PALM2AKAP2: variants seen among roughly 807,000 people sequenced by gnomAD.
PALM2AKAP2 encodes the protein PALM2 and AKAP2 fusion, also known as PALM2-AKAP2 fusion protein.
Under a neutral mutation model 71.5 loss-of-function variants are expected in PALM2AKAP2, and 37 were observed. That is an observed-to-expected ratio of 0.52 (90% confidence interval 0.40 to 0.68). PALM2AKAP2 has a LOEUF of 0.68. Ranked by LOEUF, PALM2AKAP2 falls within the 30% of genes least tolerant of loss-of-function variation. The probability of loss-of-function intolerance (pLI) is 0.00; values close to 1 mark genes in which losing one functional copy is unlikely to be tolerated. For missense variants in PALM2AKAP2, 1,224 were observed against 1,191.8 expected (o/e 1.03, Z -0.40); for synonymous variants, 468 against 478.8 (o/e 0.98, Z 0.29).
intron 3 of PALM2AKAP2, among the ~76,000 whole-genome samples, chr9:109,919,916 C>T (rs1268884195): frequency 1.3e-5 from 2 of 152,136 alleles, no homozygotes; most frequent in Non-Finnish European, 1.5e-5. Flanking sequence ...TGGGTATTTG[C>T]TGATCTAGGC....
chr9:109,895,010 C>T (rs1258447931), intron 3 of PALM2AKAP2, among the ~76,000 whole-genome samples: 1 of 152,168 alleles, frequency 6.6e-6, no homozygotes, highest in East Asian at 1.9e-4. Context: ...AGGCCTATCC[C>T]CACACCACTT....
chr9:109,783,556 C>A (rs1161216779), intron 1 of PALM2AKAP2, among the ~76,000 whole-genome samples: 1 of 152,168 alleles, frequency 6.6e-6, no homozygotes. Flanking sequence ...ACCTCTGCCT[C>A]CCAAAGCACT....
At chr9:110,153,216 T>G (rs2119199175) in intron 2 of PALM2AKAP2, among the ~76,000 whole-genome samples, 1 of 152,316 alleles carries the variant, frequency 6.6e-6, no homozygotes, top group South Asian at 2.1e-4. Flanking sequence ...TTCACCCTCT[T>G]TACAACATTC....
intron 6 of PALM2AKAP2, among the ~76,000 whole-genome samples, chr9:109,983,475 CTCTG>C (rs1204711671): frequency 2.6e-5 from 4 of 152,202 alleles, no homozygotes; most frequent in East Asian, 1.9e-4. Flanking sequence ...TTCTTTTCCT[CTCTG>C]TCTATCTGTT....
chr9:110,054,290 T>C (rs1833783222), intron 1 of PALM2AKAP2, among the ~76,000 whole-genome samples: 1 of 152,068 alleles, frequency 6.6e-6, no homozygotes, highest in Non-Finnish European at 1.5e-5. Context: ...TCTCAGCTAC[T>C]CAGGAGGCTG....
At chr9:110,160,965 C>T (rs561903544) in intron 3 of PALM2AKAP2, among the ~76,000 whole-genome samples, 40 of 152,324 alleles carry the variant, frequency 2.6e-4, no homozygotes, top group African/African-American at 9.6e-4. Context: ...TCCTGGCACA[C>T]ATTACCCTTC....
At chr9:110,038,033 A>G (rs1833443766) in intron 7 of PALM2AKAP2, among the ~76,000 whole-genome samples, 1 of 152,166 alleles carries the variant, frequency 6.6e-6, no homozygotes, top group Admixed American at 6.5e-5. Context: ...TTAAAAGAGG[A>G]CTAAGAAAGA....
intron 1 of PALM2AKAP2, among the ~76,000 whole-genome samples, chr9:109,735,017 G>A (rs1828608738): frequency 6.6e-6 from 1 of 151,742 alleles, no homozygotes; most frequent in Admixed American, 6.6e-5. Context: ...TCTCTGGTGG[G>A]CCAAGCTGTT....
Position 109,808,433 on chromosome 9 carries a change from G to T in PALM2AKAP2, c.45+27900G>T, listed in dbSNP as rs1324499596. ...GTGGAACTTTGAACTTGAGAGAGACGATTTTGGGGCATCTGGCAGAAGAAC... is the reference window on the plus strand; with the variant it reads ...GTGGAACTTTGAACTTGAGAGAGACTATTTTGGGGCATCTGGCAGAAGAAC... On this transcript the variant is annotated intron_variant, in intron 1 of 9. Coordinates refer to the PALM2AKAP2 transcript ENST00000302798. Among the ~76,000 whole-genome samples, 3 of 152,200 alleles carry T rather than the reference G, an allele frequency of 2.0e-5. No individual in the cohort carries two copies. In the East Asian group the frequency reaches 5.8e-4, roughly 29 times the overall value.
intron 1 of PALM2AKAP2, among the ~76,000 whole-genome samples, chr9:110,063,114 A>G (rs1292138305): frequency 2.0e-5 from 3 of 152,174 alleles, no homozygotes; most frequent in Non-Finnish European, 2.9e-5. Flanking sequence ...CCTTTTGTTT[A>G]TGTGAAAACT....
chr9:109,754,280 C>T (rs1480599305), intron 1 of PALM2AKAP2, among the ~76,000 whole-genome samples: 1 of 152,132 alleles, frequency 6.6e-6, no homozygotes, highest in African/African-American at 2.4e-5. Flanking sequence ...CAAAGTAGAA[C>T]TTATATTAAG....
chr9:109,947,846 G>A (rs1008772869), intron 6 of PALM2AKAP2, among the ~76,000 whole-genome samples: 2 of 152,180 alleles, frequency 1.3e-5, no homozygotes, highest in African/African-American at 4.8e-5. Flanking sequence ...CAGATTCTCA[G>A]CATAAGTAAG....
intron 3 of PALM2AKAP2, among the ~76,000 whole-genome samples, chr9:109,894,772 A>C (rs1211507935): frequency 6.6e-6 from 1 of 152,070 alleles, no homozygotes; most frequent in Non-Finnish European, 1.5e-5. Context: ...CCAAGACCAC[A>C]CTTTTTTTTC....
At chr9:109,698,657 C>T (rs1031260628) in intron 1 of PALM2AKAP2, among the ~76,000 whole-genome samples, 7 of 152,178 alleles carry the variant, frequency 4.6e-5, no homozygotes, top group South Asian at 2.1e-4. Context: ...CTCTCACTCC[C>T]GCCACATTGG....
chr9:110,059,735 G>A (rs1833921057), intron 1 of PALM2AKAP2, among the ~76,000 whole-genome samples: 1 of 152,148 alleles, frequency 6.6e-6, no homozygotes, highest in South Asian at 2.1e-4. Context: ...CTTCCCAGGA[G>A]TGGGAAGCCT....
intron 1 of PALM2AKAP2, among the ~76,000 whole-genome samples, chr9:110,129,804 GC>G (rs1448856122): frequency 6.6e-6 from 1 of 152,192 alleles, no homozygotes; most frequent in Non-Finnish European, 1.5e-5. Context: ...TGTGACTGGA[GC>G]CCCAGGTCTG....
intron 1 of PALM2AKAP2, among the ~76,000 whole-genome samples, chr9:109,662,747 C>A (rs1207798595): frequency 1.3e-5 from 2 of 152,136 alleles, no homozygotes; most frequent in Non-Finnish European, 2.9e-5. Flanking sequence ...GGAATGGTAC[C>A]AGCTCCTCTT....
chr9:110,038,329 AAAACAAACAAAC>A (rs72079683), intron 7 of PALM2AKAP2, among the ~76,000 whole-genome samples: 86 of 151,446 alleles, frequency 5.7e-4, no homozygotes, highest in Admixed American at 2.0e-3. Context: ...CCCTGTCTCA[AAAACAAACAAAC>A]AAACAAACAA....
chr9:109,758,245 T>C (rs1055154869), intron 1 of PALM2AKAP2, among the ~76,000 whole-genome samples: 4 of 152,166 alleles, frequency 2.6e-5, no homozygotes, highest in African/African-American at 7.2e-5. Context: ...TTGTATGATA[T>C]ACAACAACTC....
Sources: allele counts gnomAD v4.1 joint callset (sites outside exome capture counted in the v4.1 genomes callset), GRCh38; gene constraint gnomAD v4.1.1; transcripts MANE v1.5; gene names NCBI Gene and HGNC (gene_info 2026-07-23, HGNC 2026-07-21).